ANK2: variants seen among roughly 807,000 people sequenced by gnomAD.
The protein encoded by ANK2 is ankyrin-2.
Under a neutral mutation model 360.5 loss-of-function variants are expected in ANK2, and 83 were observed. The ratio of observed to expected loss-of-function variants is 0.23; its 90% confidence interval spans 0.19 to 0.28. The LOEUF (loss-of-function observed/expected upper bound fraction) is 0.28. Ranked by LOEUF, ANK2 falls within the 10% of genes least tolerant of loss-of-function variation. The probability of loss-of-function intolerance (pLI) is 1.00; values close to 1 mark genes in which losing one functional copy is unlikely to be tolerated. For missense variants in ANK2, 4,201 were observed against 4,795.7 expected (o/e 0.88, Z 3.66); for synonymous variants, 1,740 against 1,759.5 (o/e 0.99, Z 0.28).
intron 8 of ANK2, 59 bp from the exon 9 acceptor site, chr4:113,242,052 G>C (rs889364332): frequency 1.5e-5 from 21 of 1,356,730 alleles, no homozygotes; most frequent in Non-Finnish European, 2.2e-5. Flanking sequence ...TAACACAAAG[G>C]CATCGCCATC....
rs540724217 is a variant in ANK2, at chr4:113,276,236, C to T, written c.1683+1587C>T. ...GATTACAGGAGTGAGCCACTGCACC[C>T]GGCCAAACAGCATTTTAAGAGTTCA... On this transcript the variant is annotated intron_variant, in intron 15 of 45. Coordinates refer to ENST00000357077, the MANE Select transcript of ANK2 (RefSeq NM_001148.6). Among the ~76,000 whole-genome samples the T allele has an allele frequency of 2.5e-3, 381 of 152,072 alleles. 2 individuals are homozygous for T. Among genetic ancestry groups the T allele is most frequent in the African/African-American group, 8.5e-3 (353 of 41,512 alleles).
chr4:112,804,800 CA>C, the ANK2 span, among the ~76,000 whole-genome samples: 1 of 151,818 alleles, frequency 6.6e-6, no homozygotes. Flanking sequence ...ACAACAACAA[CA>C]AACAAAAAAC....
At chr4:113,238,604 A>C (rs773832741) in intron 7 of ANK2, among the ~76,000 whole-genome samples, 21 of 152,200 alleles carry the variant, frequency 1.4e-4, no homozygotes, top group Non-Finnish European at 2.5e-4. Flanking sequence ...TTAATTTCTT[A>C]GATGCTTTTT....
intron 31 of ANK2, among the ~76,000 whole-genome samples, chr4:113,337,327 T>G (rs1297260016): frequency 6.6e-6 from 1 of 152,218 alleles, no homozygotes; most frequent in African/African-American, 2.4e-5. Flanking sequence ...AGTGATTAAC[T>G]GATTTTTGGT....
upstream of ANK2, among the ~76,000 whole-genome samples, chr4:112,813,254 CA>C (rs1308553677): frequency 2.7e-4 from 35 of 127,646 alleles, no homozygotes; most frequent in South Asian, 7.8e-4. Flanking sequence ...AAAAAAAAAT[CA>C]AAAAAAAAAT....
At chr4:113,112,080 A>G (rs1247544743) in intron 1 of ANK2, among the ~76,000 whole-genome samples, 1 of 152,182 alleles carries the variant, frequency 6.6e-6, no homozygotes, top group African/African-American at 2.4e-5. Context: ...GGACAATAAG[A>G]AAGTTTTTAT....
intron 45 of ANK2, among the ~76,000 whole-genome samples, chr4:113,380,265 A>AC (rs1157932744): frequency 6.6e-6 from 1 of 151,916 alleles, no homozygotes; most frequent in Non-Finnish European, 1.5e-5. Context: ...AAAAAAAAAA[A>AC]GAAGAATATA....
At chr4:113,291,964 G>A (rs1353829831) in intron 20 of ANK2, among the ~76,000 whole-genome samples, 1 of 152,144 alleles carries the variant, frequency 6.6e-6, no homozygotes, top group Non-Finnish European at 1.5e-5. Flanking sequence ...GAGTCATGAT[G>A]AACAAGCAGT....
intron 5 of ANK2, among the ~76,000 whole-genome samples, chr4:113,236,760 C>T (rs915727499): frequency 5.3e-5 from 8 of 152,142 alleles, no homozygotes; most frequent in African/African-American, 1.7e-4. Context: ...TTAAGGAATG[C>T]GGATGTTTTT....
intron 1 of ANK2, among the ~76,000 whole-genome samples, chr4:113,056,560 T>C (rs1404214250): frequency 1.3e-5 from 2 of 152,144 alleles, no homozygotes; most frequent in Non-Finnish European, 2.9e-5. Context: ...ACTGGTCGGA[T>C]ACATCACAAC....
intron 1 of ANK2, among the ~76,000 whole-genome samples, chr4:112,883,687 T>A (rs184547773): frequency 3.7e-4 from 57 of 152,148 alleles, no homozygotes; most frequent in African/African-American, 1.3e-3. Context: ...TGGAATAGAC[T>A]ATCCATTGGA....
the ANK2 span, among the ~76,000 whole-genome samples, chr4:112,765,658 G>A: frequency 7.8e-5 from 10 of 127,600 alleles, no homozygotes; most frequent in Admixed American, 6.6e-4. Flanking sequence ...CCCCTCCCCC[G>A]CTTTTTTTTT....
chr4:113,276,460 A>T (rs1051734997), intron 15 of ANK2, among the ~76,000 whole-genome samples: 12 of 152,176 alleles, frequency 7.9e-5, no homozygotes, highest in African/African-American at 2.9e-4. Flanking sequence ...TAAGAGTTGG[A>T]TCACTATTCT....
At chr4:113,233,425 G>A (rs1426782767) in intron 5 of ANK2, among the ~76,000 whole-genome samples, 7 of 151,782 alleles carry the variant, frequency 4.6e-5, no homozygotes, top group Admixed American at 3.9e-4. Flanking sequence ...GTGAGCCACC[G>A]CGCCCGGCCT....
chr4:113,294,357 G>A (rs2069805563), intron 22 of ANK2, among the ~76,000 whole-genome samples: 1 of 152,174 alleles, frequency 6.6e-6, no homozygotes, highest in Non-Finnish European at 1.5e-5. Context: ...ATGGATTAAA[G>A]AATGGCTCTT....
At chr4:112,900,074 T>A (rs1665241915) in intron 1 of ANK2, among the ~76,000 whole-genome samples, 1 of 152,188 alleles carries the variant, frequency 6.6e-6, no homozygotes, top group African/African-American at 2.4e-5. Flanking sequence ...TAATATAAGG[T>A]GTCTCATGTA....
At chr4:113,250,995 G>A (rs777798354) in intron 10 of ANK2, among the ~76,000 whole-genome samples, 12 of 152,112 alleles carry the variant, frequency 7.9e-5, no homozygotes, top group East Asian at 5.8e-4. Context: ...ATAATTATCC[G>A]CGTTACTTTT....
At chr4:112,894,115 C>A (rs923037628) in intron 1 of ANK2, among the ~76,000 whole-genome samples, 1 of 152,148 alleles carries the variant, frequency 6.6e-6, no homozygotes, top group African/African-American at 2.4e-5. Context: ...AATTCTTCAT[C>A]TTTAAACTCT....
At chr4:113,228,450 C>A (rs1481113898) in intron 4 of ANK2, among the ~76,000 whole-genome samples, 2 of 152,138 alleles carry the variant, frequency 1.3e-5, no homozygotes, top group East Asian at 1.9e-4. Flanking sequence ...GTTTTCCATT[C>A]CTGAGTTTCT....
Sources: gnomAD v4.1 joint callset for allele counts (sites outside exome capture counted in the v4.1 genomes callset) on GRCh38, gnomAD v4.1.1 for gene constraint, MANE v1.5 for transcripts, NCBI Gene and HGNC (gene_info 2026-07-23, HGNC 2026-07-21) for gene names.